The following ATP8A2 variants were observed in gnomAD, a reference collection of about 807,000 sequenced individuals.
ATP8A2 encodes phospholipid-transporting ATPase IB.
Under a neutral mutation model 165.6 loss-of-function variants are expected in ATP8A2, and 100 were observed. The observed-to-expected ratio is 0.60, with a 90% CI of 0.51 to 0.71. The LOEUF (loss-of-function observed/expected upper bound fraction) is 0.71. Ranked by LOEUF, ATP8A2 falls within the 30% of genes least tolerant of loss-of-function variation. The pLI is 0.00. For missense variants in ATP8A2, 1,227 were observed against 1,479.5 expected (o/e 0.83, Z 2.80); for synonymous variants, 543 against 548.8 (o/e 0.99, Z 0.15).
chr13:25,376,940 A>G (rs2032649910), intron 1 of ATP8A2, among the ~76,000 whole-genome samples: 1 of 152,178 alleles, frequency 6.6e-6, no homozygotes, highest in African/African-American at 2.4e-5. Flanking sequence ...AGTGGCTCTG[A>G]AGGTCATCAC....
chr13:25,530,157 G>A, intron 3 of ATP8A2, 59 bp downstream of exon 3: 1 of 1,116,596 alleles, frequency 9.0e-7, no homozygotes, highest in African/African-American at 1.5e-5. Context: ...ATGAGATTTT[G>A]CTAAAGGTTC....
chr13:25,966,029 G>GAAAAAAA (rs61635155), intron 34 of ATP8A2, among the ~76,000 whole-genome samples: 3 of 133,554 alleles, frequency 2.2e-5, no homozygotes, highest in Non-Finnish European at 3.1e-5. Flanking sequence ...AAGAGTTTCA[G>GAAAAAAA]AAAAAAAAAA....
chr13:25,750,832 C>T lies in ATP8A2; in HGVS notation c.2385-18214C>T, dbSNP rs755336212. Among the ~76,000 whole-genome samples the T allele has an allele frequency of 5.9e-5, 9 of 152,064 alleles. No homozygotes were observed. Among genetic ancestry groups the T allele is most frequent in the Non-Finnish European group, 1.2e-4 (8 of 68,012 alleles). On this transcript the variant is annotated intron_variant, in intron 25 of 36. Transcript: ENST00000381655. This position sits in a 1 kb window ranked among gnomAD's most constrained non-coding sequence, Gnocchi z 4.3. ...AAAAAGGAATCTTTTTGGAATTACA[C>T]GTGTAGTTCACTAAAGTATTCCTAG...
intron 1 of ATP8A2, among the ~76,000 whole-genome samples, chr13:25,449,087 A>C (rs1482879985): frequency 6.6e-6 from 1 of 152,174 alleles, no homozygotes; most frequent in African/African-American, 2.4e-5. Context: ...CAAAGAACCA[A>C]TTCTGACTTT....
intron 1 of ATP8A2, among the ~76,000 whole-genome samples, chr13:25,403,566 T>C (rs1225745307): frequency 6.6e-6 from 1 of 152,236 alleles, no homozygotes; most frequent in African/African-American, 2.4e-5. Context: ...TGACCTCGAA[T>C]ACATTTTCAA....
intron 27 of ATP8A2, among the ~76,000 whole-genome samples, chr13:25,825,146 T>TG (rs1491140421): frequency 2.5e-4 from 4 of 15,898 alleles, no homozygotes; most frequent in African/African-American, 7.2e-4. Context: ...ATGTGTTTGC[T>TG]TTTTTTTTTT....
intron 1 of ATP8A2, among the ~76,000 whole-genome samples, chr13:25,413,320 C>T (rs1350630999): frequency 1.0e-4 from 12 of 116,206 alleles, no homozygotes; most frequent in Admixed American, 7.3e-4. Flanking sequence ...TCCCTCCTGT[C>T]GCCTTGGCTG....
intron 1 of ATP8A2, among the ~76,000 whole-genome samples, chr13:25,453,703 G>T (rs1252877510): frequency 6.6e-6 from 1 of 152,120 alleles, no homozygotes; most frequent in African/African-American, 2.4e-5. Flanking sequence ...AAAGACTAAC[G>T]TTCTATAAGA....
chr13:25,450,636 A>T (rs1051894822), intron 1 of ATP8A2, among the ~76,000 whole-genome samples: 2 of 152,018 alleles, frequency 1.3e-5, no homozygotes, highest in African/African-American at 4.8e-5. Flanking sequence ...GGTTCACGCC[A>T]TTCTCCTGCT....
At chr13:25,804,852 G>T (rs574577794) in intron 27 of ATP8A2, among the ~76,000 whole-genome samples, 1 of 152,304 alleles carries the variant, frequency 6.6e-6, no homozygotes, top group African/African-American at 2.4e-5. Context: ...TCAAGAAAAG[G>T]TAGAAGCTAG....
At chr13:25,806,435 G>A (rs907730851) in intron 27 of ATP8A2, among the ~76,000 whole-genome samples, 4 of 151,998 alleles carry the variant, frequency 2.6e-5, no homozygotes, top group African/African-American at 9.7e-5. Flanking sequence ...ACAGCAGCTG[G>A]CCCAAGTTTC....
At chr13:25,820,655 T>C (rs1951156274) in intron 27 of ATP8A2, among the ~76,000 whole-genome samples, 1 of 152,176 alleles carries the variant, frequency 6.6e-6, no homozygotes, top group Admixed American at 6.5e-5. Flanking sequence ...TGCTGTCTTT[T>C]TGGTGTATGA....
At chr13:25,826,429 C>A (rs535644908) in intron 27 of ATP8A2, among the ~76,000 whole-genome samples, 1 of 152,208 alleles carries the variant, frequency 6.6e-6, no homozygotes, top group South Asian at 2.1e-4. Flanking sequence ...TTTGATCTCA[C>A]GGGGACTTGG....
At position 25,853,396 on chromosome 13, in the gene ATP8A2, A is replaced by ATATATATATATATAT. The variant is rs59573616; in HGVS notation, c.2957-6799_2957-6798insTATATATATATATAT. Among the ~76,000 whole-genome samples the ATATATATATATATAT allele has an allele frequency of 8.8e-3, 952 of 107,680 alleles. 21 individuals carry two copies. The highest frequency in any genetic ancestry group is 0.013 in the Non-Finnish European group (686 of 51,494). 70.6% of individuals were successfully genotyped at this position (107,680 alleles called of 152,430 possible). On this transcript the variant is annotated intron_variant, in intron 30 of 36. Transcript: ENST00000381655. The stretch of plus-strand genomic sequence containing the variant: ...ACAGAGCAAGACTCTATCTAAAAAA[A>ATATATATATATATAT]ATATATATATATATGTATATATATA...
rs956842158 is a variant in ATP8A2, at chr13:25,372,575, C to T, written c.76+287C>T. 6.6e-6 allele frequency among the ~76,000 whole-genome samples: 1 copy of T among 152,204 alleles called. No individual in the cohort carries two copies. The highest frequency in any genetic ancestry group is 2.4e-5 in the African/African-American group (1 of 41,454). On this transcript the variant is annotated intron_variant, in intron 1 of 36. Coordinates refer to ENST00000381655, the MANE Select transcript of ATP8A2 (RefSeq NM_016529.6). This position sits in a 1 kb window ranked among gnomAD's most constrained non-coding sequence, Gnocchi z 4.8. Reference sequence around the variant, plus strand: ...ATGTGTGTGTGTGTGTGCGGCCTCCCTGTGCGCGTGCCCGTGCGCCCCTAC... The same window carrying T: ...ATGTGTGTGTGTGTGTGCGGCCTCCTTGTGCGCGTGCCCGTGCGCCCCTAC...
At chr13:25,486,448 C>T (rs9578869) in intron 2 of ATP8A2, among the ~76,000 whole-genome samples, 8,939 of 152,032 alleles carry the variant, frequency 0.059, 338 homozygotes, top group South Asian at 0.13. Context: ...CTTATATATC[C>T]TGAAGATAAA....
chr13:25,489,247 C>G (rs761432440), intron 2 of ATP8A2, among the ~76,000 whole-genome samples: 1 of 152,092 alleles, frequency 6.6e-6, no homozygotes, highest in Admixed American at 6.6e-5. Flanking sequence ...CCCGGCTTAC[C>G]GCACCATCTC....
intron 33 of ATP8A2, among the ~76,000 whole-genome samples, chr13:25,867,656 C>G (rs1952547346): frequency 6.6e-6 from 1 of 152,308 alleles, no homozygotes; most frequent in Admixed American, 6.5e-5. Context: ...AAAGCTTCAT[C>G]CCATCCCCCC....
chr13:25,901,762 C>T (rs1212930295), intron 33 of ATP8A2, among the ~76,000 whole-genome samples: 2 of 152,162 alleles, frequency 1.3e-5, no homozygotes, highest in Non-Finnish European at 2.9e-5. Flanking sequence ...CTAGTAAAGC[C>T]GTGTAGGCTT....
Sources: gnomAD v4.1 joint callset for allele counts (sites outside exome capture counted in the v4.1 genomes callset) on GRCh38, gnomAD v4.1.1 for gene constraint, Gnocchi (gnomAD v3.1) non-coding constraint, MANE v1.5 for transcripts, NCBI Gene and HGNC (gene_info 2026-07-23, HGNC 2026-07-21) for gene names.